The following RALGPS2 variants were observed in gnomAD, a reference collection of about 807,000 sequenced individuals.
RALGPS2 encodes the protein ras-specific guanine nucleotide-releasing factor RalGPS2.
Under a neutral mutation model 86.8 loss-of-function variants are expected in RALGPS2, and 43 were observed. That is an observed-to-expected ratio of 0.50 (90% CI 0.39 to 0.64). The LOEUF (loss-of-function observed/expected upper bound fraction) is 0.64, where lower values mean the gene tolerates loss of function less well. Among genes scored for constraint, RALGPS2 ranks in the 30% least tolerant of loss-of-function variants. The pLI is 0.00. For missense variants in RALGPS2, 536 were observed against 694.6 expected (o/e 0.77, Z 2.57); for synonymous variants, 243 against 231.3 (o/e 1.05, Z -0.46).
intron 19 of RALGPS2, among the ~76,000 whole-genome samples, chr1:178,907,147 A>T (rs1022190970): frequency 2.0e-5 from 3 of 152,240 alleles, no homozygotes; most frequent in Non-Finnish European, 4.4e-5. Flanking sequence ...AACTTTTGAT[A>T]ACATAAGGTT....
intron 1 of RALGPS2, among the ~76,000 whole-genome samples, chr1:178,736,147 T>C (rs1399932919): frequency 6.6e-6 from 1 of 151,740 alleles, no homozygotes; most frequent in Non-Finnish European, 1.5e-5. Flanking sequence ...AAGTGCTCTG[T>C]GTTTTAATTT....
chr1:178,789,377 A>G (rs1019777427), intron 4 of RALGPS2, among the ~76,000 whole-genome samples: 4 of 152,254 alleles, frequency 2.6e-5, no homozygotes, highest in African/African-American at 9.6e-5. Context: ...TATGTGAAAC[A>G]AGAGTAGAGG....
At chr1:178,862,229 A>G (rs1052110440) in intron 8 of RALGPS2, among the ~76,000 whole-genome samples, 1 of 152,100 alleles carries the variant, frequency 6.6e-6, no homozygotes, top group African/African-American at 2.4e-5. Context: ...GCCTATTGCT[A>G]CTGTAACTTA....
intron 8 of RALGPS2, among the ~76,000 whole-genome samples, chr1:178,862,136 G>C (rs571736434): frequency 6.6e-6 from 1 of 152,214 alleles, no homozygotes; most frequent in African/African-American, 2.4e-5. Context: ...GCCTCCGAAA[G>C]TGTTGAGATT....
intron 8 of RALGPS2, chr1:178,853,021 G>C (rs1274704836): frequency 1.1e-5 from 17 of 1,521,328 alleles, no homozygotes; most frequent in Non-Finnish European, 1.5e-5. Flanking sequence ...TTACAGAGCA[G>C]TGTTAAACAT....
chr1:178,854,226 A>G lies in RALGPS2; in HGVS notation c.607+20676A>G, dbSNP rs201075204. Among the ~76,000 whole-genome samples, 4 of 152,286 alleles carry G rather than the reference A, an allele frequency of 2.6e-5. No homozygotes were observed. The East Asian group carries it at 7.7e-4, about 29-fold the overall frequency. ...CTTATTGAATTCATTTTTTAATATT[A>G]TAAAAATGCTGAGGGATCGATCTAC... On this transcript the variant is annotated intron_variant, in intron 8 of 19. Coordinates refer to ENST00000367635, the MANE Select transcript of RALGPS2 (RefSeq NM_152663.5).
chr1:178,851,441 A>G, intron 8 of RALGPS2: 1 of 841,024 alleles, frequency 1.2e-6, no homozygotes, highest in Non-Finnish European at 1.7e-6. Flanking sequence ...CCTTTATCTC[A>G]GCAGTTTTAA....
chr1:178,855,651 G>A (rs1657484399), intron 8 of RALGPS2, among the ~76,000 whole-genome samples: 1 of 151,560 alleles, frequency 6.6e-6, no homozygotes, highest in South Asian at 2.1e-4. Context: ...TTTCTCTTTT[G>A]AGATGCCCTA....
intron 8 of RALGPS2, among the ~76,000 whole-genome samples, chr1:178,848,615 A>G (rs1656985606): frequency 1.3e-5 from 2 of 152,168 alleles, no homozygotes; most frequent in South Asian, 2.1e-4. Context: ...TTGCAAGTGA[A>G]GATAATGGAT....
chr1:178,870,646 T>C (rs772830724), intron 8 of RALGPS2: 10 of 152,334 alleles, frequency 6.6e-5, no homozygotes, highest in Middle Eastern at 3.4e-3. Context: ...CAAAGGTCTT[T>C]GTTTAGTAAA....
chr1:178,757,355 A>G (rs1173907077), intron 1 of RALGPS2, among the ~76,000 whole-genome samples: 1 of 152,130 alleles, frequency 6.6e-6, no homozygotes, highest in Non-Finnish European at 1.5e-5. Context: ...GAGAGTGGGC[A>G]TCCTTGTCTT....
rs1299026846 is a variant in RALGPS2, at chr1:178,894,010, G to A, written c.1417G>A (p.Gly473Ser). 1 of 1,587,464 alleles carries A rather than the reference G, an allele frequency of 6.3e-7. No individual in the cohort carries two copies. Among genetic ancestry groups the A allele is most frequent in the South Asian group, 1.1e-5 (1 of 89,840 alleles). Residue 473 changes from glycine to serine, a missense_variant, in exon 16 of 20, where the codon GGC becomes AGC. Coordinates refer to ENST00000367635, the MANE Select transcript of RALGPS2 (RefSeq NM_152663.5). Reference protein sequence around the residue: ...VLRRKTLLKEGKKPTVASWTK... With the variant: ...VLRRKTLLKESKKPTVASWTK... Reference sequence around the variant, plus strand: ...CAGGAGAAAAACTTTGTTAAAAGAAGGCAAAAAGCCTACAGTAAGATTTCA... The same window carrying A: ...CAGGAGAAAAACTTTGTTAAAAGAAAGCAAAAAGCCTACAGTAAGATTTCA...
chr1:178,828,420 T>C (rs1655856294), intron 7 of RALGPS2, among the ~76,000 whole-genome samples: 3 of 152,190 alleles, frequency 2.0e-5, no homozygotes, highest in South Asian at 4.1e-4. Context: ...TAGGCAGTTA[T>C]AACACGGTGG....
chr1:178,866,464 C>T (rs1053836902), intron 8 of RALGPS2, among the ~76,000 whole-genome samples: 1 of 152,086 alleles, frequency 6.6e-6, no homozygotes, highest in Non-Finnish European at 1.5e-5. Context: ...ATAGAATGCT[C>T]ACAGTCATTG....
At chr1:178,823,459 TAGAA>T (rs949150637) in intron 7 of RALGPS2, among the ~76,000 whole-genome samples, 10 of 152,006 alleles carry the variant, frequency 6.6e-5, no homozygotes, top group African/African-American at 2.4e-4. Flanking sequence ...TGAAGAAAAG[TAGAA>T]AGGAAGGCAG....
intron 1 of RALGPS2, among the ~76,000 whole-genome samples, chr1:178,760,246 G>A (rs1652167876): frequency 6.6e-6 from 1 of 152,126 alleles, no homozygotes; most frequent in Non-Finnish European, 1.5e-5. Flanking sequence ...TCCAGAATTT[G>A]TTAGGTTTTT....
chr1:178,860,363 C>T (rs1254688144), intron 8 of RALGPS2, among the ~76,000 whole-genome samples: 1 of 151,964 alleles, frequency 6.6e-6, no homozygotes, highest in Non-Finnish European at 1.5e-5. Flanking sequence ...TTTTTTATAA[C>T]TTCATGGGTT....
chr1:178,868,530 C>A, intron 8 of RALGPS2, among the ~76,000 whole-genome samples: 1 of 151,830 alleles, frequency 6.6e-6, no homozygotes, highest in Admixed American at 6.6e-5. Context: ...GAGCAATATT[C>A]TGATTGAACA....
chr1:178,914,230 T>C (rs1289191575), intron 19 of RALGPS2, among the ~76,000 whole-genome samples: 1 of 152,010 alleles, frequency 6.6e-6, no homozygotes, highest in Non-Finnish European at 1.5e-5. Flanking sequence ...GCCGTGTTCC[T>C]TTGCAGCTTT....
Sources: allele counts gnomAD v4.1 joint callset (sites outside exome capture counted in the v4.1 genomes callset), GRCh38; gene constraint gnomAD v4.1.1; transcripts MANE v1.5; gene names NCBI Gene and HGNC (gene_info 2026-07-23, HGNC 2026-07-21).